Variants in TANGO6 observed in about 807,000 individuals in gnomAD.
TANGO6 encodes transport and golgi organization 6 homolog, also known as transport and Golgi organization protein 6 homolog.
A neutral mutation model predicts 114.2 loss-of-function variants in TANGO6; 90 were observed. That is an observed-to-expected ratio of 0.79 (90% CI 0.66 to 0.94). TANGO6 has a LOEUF of 0.94. TANGO6 is among the 40% of genes least tolerant of loss of function. TANGO6 has a pLI of 0.00. For synonymous variants in TANGO6, 477 were observed against 509.8 expected (o/e 0.94, Z 0.87); for missense variants, 1,274 against 1,315.3 (o/e 0.97, Z 0.49).
intron 15 of TANGO6, among the ~76,000 whole-genome samples, chr16:69,013,617 C>CAA (rs772122523): frequency 1.9e-4 from 13 of 70,230 alleles, no homozygotes; most frequent in African/African-American, 5.8e-4. Flanking sequence ...ACCCTGTCTC[C>CAA]AAAAAAAAAA....
Position 68,970,184 on chromosome 16 carries a change from G to A in TANGO6, c.2702-3844G>A, listed in dbSNP as rs138528655. ...CCCACTCAAACCACACAGACTGAGA[G>A]TAAGAAAGGGATATTTCTCCAAAAG... On this transcript the variant is annotated intron_variant, in intron 14 of 17. Coordinates refer to ENST00000261778, the MANE Select transcript of TANGO6 (RefSeq NM_024562.2). Among the ~76,000 whole-genome samples the A allele has an allele frequency of 2.0e-5, 3 of 152,246 alleles. No individual in the cohort carries two copies. In the East Asian group the frequency reaches 5.8e-4, roughly 29 times the overall value.
chr16:69,057,688 C>G (rs1300137175), intron 17 of TANGO6, among the ~76,000 whole-genome samples: 3 of 152,104 alleles, frequency 2.0e-5, no homozygotes, highest in Non-Finnish European at 4.4e-5. Flanking sequence ...CCATGAAATC[C>G]AAAAGGAAAA....
chr16:68,944,430 A>T (rs933245351), intron 14 of TANGO6, among the ~76,000 whole-genome samples: 2 of 152,176 alleles, frequency 1.3e-5, no homozygotes, highest in African/African-American at 4.8e-5. Context: ...ACCTGGAGGA[A>T]AAATATCTCT....
chr16:68,950,559 T>C (rs979835420), intron 14 of TANGO6, among the ~76,000 whole-genome samples: 9 of 150,280 alleles, frequency 6.0e-5, no homozygotes, highest in African/African-American at 2.0e-4. Context: ...AGCGAGACTC[T>C]GTTTTAAAAA....
At chr16:69,037,264 C>T (rs2152233354) in intron 16 of TANGO6, among the ~76,000 whole-genome samples, 1 of 152,138 alleles carries the variant, frequency 6.6e-6, no homozygotes, top group Non-Finnish European at 1.5e-5. Flanking sequence ...CAGCCTTACA[C>T]TGAGAGCTGA....
chr16:68,857,806 T>A (rs147596549), intron 1 of TANGO6, among the ~76,000 whole-genome samples: 262 of 152,348 alleles, frequency 1.7e-3, no homozygotes, highest in Non-Finnish European at 1.2e-3. Context: ...TTGTTTGCCA[T>A]GTGTACTATT....
At chr16:68,892,511 CTT>C (rs57046490) in intron 7 of TANGO6, among the ~76,000 whole-genome samples, 19 of 138,192 alleles carry the variant, frequency 1.4e-4, no homozygotes, top group Non-Finnish European at 1.6e-4. Flanking sequence ...TTCAGTCTTT[CTT>C]TTTTTTTTTT....
chr16:68,867,123 T>C lies in TANGO6; in HGVS notation c.897T>C (p.Ala299=). The C allele has an allele frequency of 1.2e-6, 2 of 1,613,936 alleles. No homozygotes were observed. Among genetic ancestry groups the C allele is most frequent in the Non-Finnish European group, 1.7e-6 (2 of 1,179,888 alleles). ...VKTQMRCRAP[A]WLRRLCGQLL... is the part of the protein sequence containing the mutation. The stretch of plus-strand genomic sequence containing the variant: ...CACAGATGAGGTGTCGGGCCCCAGC[T>C]TGGCTTCGGCGTCTATGTGGACAGC... The change falls in exon 4 of 18, where the codon GCT becomes GCC. Residue 299 remains alanine (A), a synonymous_variant. Coordinates refer to ENST00000261778, the MANE Select transcript of TANGO6 (RefSeq NM_024562.2).
At chr16:68,879,409 G>A (rs1962422171) in intron 6 of TANGO6, among the ~76,000 whole-genome samples, 1 of 152,104 alleles carries the variant, frequency 6.6e-6, no homozygotes, top group East Asian at 1.9e-4. Context: ...CTTGACCCAG[G>A]AGGTTGAGGT....
At chr16:68,932,252 G>A (rs998285464) in intron 14 of TANGO6, among the ~76,000 whole-genome samples, 1 of 151,988 alleles carries the variant, frequency 6.6e-6, no homozygotes, top group African/African-American at 2.4e-5. Context: ...CACCACACCT[G>A]GCTAATTTTG....
In TANGO6 at chr16:69,027,632, G is replaced by A. The variant is rs1959524346; in HGVS notation, c.2994+4653G>A. Among the ~76,000 whole-genome samples, 3 of 152,074 alleles carry A rather than the reference G, an allele frequency of 2.0e-5. No homozygotes were observed. In the South Asian group the frequency reaches 6.2e-4, roughly 32 times the overall value. Reference sequence around the variant, plus strand: ...TTGGTTATATTGTCTGAAGATTTCAGACTAGTGTAACTTTTCTGGGTCAGA... The same window carrying A: ...TTGGTTATATTGTCTGAAGATTTCAAACTAGTGTAACTTTTCTGGGTCAGA... On this transcript the variant is annotated intron_variant, in intron 16 of 17. Transcript: ENST00000261778.
chr16:68,913,052 C>G (rs547872127), intron 11 of TANGO6, among the ~76,000 whole-genome samples: 5 of 150,216 alleles, frequency 3.3e-5, no homozygotes, highest in Admixed American at 1.3e-4. Context: ...TGCACTCCAG[C>G]CTGAGTGACA....
At chr16:68,849,971 C>CTTTTTTTT (rs560571416) in intron 1 of TANGO6, among the ~76,000 whole-genome samples, 1 of 114,862 alleles carries the variant, frequency 8.7e-6, no homozygotes, top group Non-Finnish European at 1.8e-5. Context: ...TCTAGCGGTT[C>CTTTTTTTT]TTTTTTTTTT....
intron 1 of TANGO6, among the ~76,000 whole-genome samples, chr16:68,853,359 A>T (rs1453930236): frequency 6.6e-6 from 1 of 152,084 alleles, no homozygotes; most frequent in Non-Finnish European, 1.5e-5. Flanking sequence ...GAAAAGGAAA[A>T]AAAAAAGAAA....
At chr16:69,074,463 G>A (rs1960342194) in intron 17 of TANGO6, among the ~76,000 whole-genome samples, 1 of 152,060 alleles carries the variant, frequency 6.6e-6, no homozygotes. Context: ...CGAAAGAGGA[G>A]GAACGTGTCC....
intron 15 of TANGO6, among the ~76,000 whole-genome samples, chr16:68,974,608 T>C (rs1266481263): frequency 2.0e-5 from 3 of 151,858 alleles, no homozygotes; most frequent in Admixed American, 1.3e-4. Context: ...TTGTGGTGAG[T>C]CGAGATCGCG....
At position 68,967,287 on chromosome 16, in the gene TANGO6, G is replaced by A. The variant is rs113171770; in HGVS notation, c.2702-6741G>A. ...ATCAGACTTTCCATTCTCATAAGGA[G>A]CACACAACCTAGATCCCTTGCATGT... On this transcript the variant is annotated intron_variant, in intron 14 of 17. Transcript: ENST00000261778. 4.7e-3 allele frequency among the ~76,000 whole-genome samples: 720 copies of A among 152,256 alleles called. 7 individuals are homozygous for A. The highest frequency in any genetic ancestry group is 0.017 in the African/African-American group (688 of 41,556).
intron 15 of TANGO6, among the ~76,000 whole-genome samples, chr16:69,012,664 T>C (rs1478133057): frequency 6.6e-6 from 1 of 151,254 alleles, no homozygotes; most frequent in Non-Finnish European, 1.5e-5. Flanking sequence ...TTCATCTAAA[T>C]GTTGTAGTCT....
intron 7 of TANGO6, among the ~76,000 whole-genome samples, chr16:68,898,389 A>G (rs931242788): frequency 1.3e-5 from 2 of 152,186 alleles, no homozygotes; most frequent in African/African-American, 4.8e-5. Context: ...TTTCCAGCTC[A>G]TGAAAGTGCC....
Sources: gnomAD v4.1 joint callset for allele counts (sites outside exome capture counted in the v4.1 genomes callset) on GRCh38, gnomAD v4.1.1 for gene constraint, MANE v1.5 for transcripts, NCBI Gene and HGNC (gene_info 2026-07-23, HGNC 2026-07-21) for gene names.